Variants in FBN2 observed in about 807,000 individuals in gnomAD.
FBN2 encodes fibrillin 2, also known as fibrillin-2.
FBN2 carries 105 observed loss-of-function variants against 355.6 expected under a neutral mutation model. The ratio of observed to expected loss-of-function variants is 0.30; its 90% CI spans 0.25 to 0.35. The LOEUF (loss-of-function observed/expected upper bound fraction) is 0.35. Among genes scored for constraint, FBN2 ranks in the 10% least tolerant of loss-of-function variants. FBN2 has a pLI of 1.00. For synonymous variants in FBN2, 1,350 were observed against 1,301.2 expected, an observed-to-expected ratio of 1.04 and a Z score of -0.81; for missense variants, 3,280 against 3,758.7, an observed-to-expected ratio of 0.87 and a Z score of 3.33.
intron 17 of FBN2, among the ~76,000 whole-genome samples, chr5:128,365,620 T>C (rs1751745862): frequency 6.6e-6 from 1 of 151,366 alleles, no homozygotes; most frequent in South Asian, 2.1e-4. Flanking sequence ...ACTAAAGCTT[T>C]CTCAAACACA....
At chr5:128,263,396 C>T in intron 63 of FBN2, 29 bp downstream of exon 63, 1 of 1,533,316 alleles carries the variant, frequency 6.5e-7, no homozygotes. Context: ...ATGTATTCCT[C>T]TATGTGCTGA....
At position 128,259,724 on chromosome 5, in the gene FBN2, C is replaced by T. The variant is rs868262960; in HGVS notation, c.8470G>A (p.Ala2824Thr). The change falls in exon 65 of 65, where the codon GCC (alanine) becomes ACC (threonine). Residue 2824 changes from alanine to threonine, a missense_variant. Transcript: ENST00000262464. ...SKEHILELRP[A>T]IQPLNNHIRY... ...ATGTGGTTGTTGAGGGGCTGGATGG[C>T]GGGCCTTAGTTCCAGGATGTGCTCC... 3.1e-6 allele frequency: 5 copies of T among 1,613,624 alleles called. No individual in the cohort carries two copies. Among genetic ancestry groups the T allele is most frequent in the Non-Finnish European group, 2.5e-6 (3 of 1,179,872 alleles).
At chr5:128,338,179 A>G in intron 26 of FBN2, 57 bp from the exon 27 acceptor site, 2 of 1,543,312 alleles carry the variant, frequency 1.3e-6, no homozygotes, top group Non-Finnish European at 1.8e-6. Context: ...ATATTCACAC[A>G]TACAGCGTGG....
chr5:128,355,283 G>A (rs546034952), intron 20 of FBN2, among the ~76,000 whole-genome samples: 235 of 152,202 alleles, frequency 1.5e-3, no homozygotes, highest in African/African-American at 5.5e-3. Context: ...GCAGACCCAA[G>A]CCAAAGATGA....
chr5:128,349,393 C>A lies in FBN2; in HGVS notation c.2943G>T (p.Glu981Asp), dbSNP rs142249689. The A allele has an allele frequency of 1.7e-5, 27 of 1,613,980 alleles. No individual in the cohort carries two copies. The highest frequency in any genetic ancestry group is 2.1e-5 in the Non-Finnish European group (25 of 1,180,028). Residue 981 changes from glutamate (E) to aspartate (D), a missense_variant, in exon 23 of 65, where the codon GAG becomes GAT. Glu to Asp is a conservative substitution (Grantham distance 45). Transcript: ENST00000262464. Reference protein sequence around the residue: ...CVNSKGSFHCECPEGLTLDGT... With the variant: ...CVNSKGSFHCDCPEGLTLDGT... ...CATCCAACGTAAGGCCTTCAGGGCACTCGCAATGAAAAGATCCCTTACTGT... is the reference window on the plus strand; with the variant it reads ...CATCCAACGTAAGGCCTTCAGGGCAATCGCAATGAAAAGATCCCTTACTGT...
intron 5 of FBN2, among the ~76,000 whole-genome samples, chr5:128,491,088 T>C (rs1294948312): frequency 1.3e-5 from 2 of 152,140 alleles, no homozygotes; most frequent in Non-Finnish European, 2.9e-5. Context: ...TAATATGATG[T>C]GAACAGAGAA....
intron 7 of FBN2, among the ~76,000 whole-genome samples, chr5:128,432,664 C>T (rs56228613): frequency 0.12 from 18,659 of 151,948 alleles, 1,452 homozygotes; most frequent in African/African-American, 0.22. Flanking sequence ...GGCTCGATGA[C>T]TTTAGGTGGT....
At chr5:128,451,278 G>A (rs908719162) in intron 6 of FBN2, among the ~76,000 whole-genome samples, 4 of 152,086 alleles carry the variant, frequency 2.6e-5, no homozygotes, top group African/African-American at 9.7e-5. Flanking sequence ...AGATTTCAGT[G>A]TCTTATTAAA....
intron 7 of FBN2, among the ~76,000 whole-genome samples, chr5:128,417,805 G>GTT (rs1753242615): frequency 6.6e-6 from 1 of 152,094 alleles, no homozygotes; most frequent in African/African-American, 2.4e-5. Flanking sequence ...TTGGCCTGTA[G>GTT]TTCTTTTTTG....
intron 23 of FBN2, among the ~76,000 whole-genome samples, chr5:128,348,570 C>A (rs1209741964): frequency 6.6e-6 from 1 of 152,010 alleles, no homozygotes; most frequent in Non-Finnish European, 1.5e-5. Flanking sequence ...AAGGTGATTG[C>A]ATACACCACC....
intron 50 of FBN2, 55 bp downstream of exon 50, chr5:128,290,677 C>A: frequency 6.4e-7 from 1 of 1,566,240 alleles, no homozygotes; most frequent in Non-Finnish European, 8.8e-7. Context: ...CCCACTCTGG[C>A]AAACATTCAA....
chr5:128,521,545 G>A (rs182849305), intron 4 of FBN2, among the ~76,000 whole-genome samples: 1 of 152,094 alleles, frequency 6.6e-6, no homozygotes, highest in Admixed American at 6.6e-5. Flanking sequence ...TTTTAAAAAA[G>A]AAAGATTTAA....
intron 7 of FBN2, among the ~76,000 whole-genome samples, chr5:128,444,887 T>C (rs973162788): frequency 6.6e-6 from 1 of 152,224 alleles, no homozygotes; most frequent in Non-Finnish European, 1.5e-5. Context: ...TCAAACTTTG[T>C]TCCCAAGTAC....
chr5:128,341,239 A>C (rs1051447578), intron 25 of FBN2, among the ~76,000 whole-genome samples: 2 of 152,210 alleles, frequency 1.3e-5, no homozygotes, highest in African/African-American at 4.8e-5. Flanking sequence ...GTGGGGTCAG[A>C]ACTGGAAGAA....
chr5:128,265,506 A>T (rs1765093456), intron 62 of FBN2, among the ~76,000 whole-genome samples: 2 of 152,310 alleles, frequency 1.3e-5, no homozygotes, highest in Non-Finnish European at 1.5e-5. Flanking sequence ...CTTTGAACTG[A>T]TTCAAGCCTC....
Position 128,309,198 on chromosome 5 carries a change from C to T in FBN2, c.5353+49G>A, listed in dbSNP as rs760849570. ...CTTTGACTATACTGTTAGATATATG[C>T]GTGTATCACTGATGTGGCAGTCAGC... On this transcript the variant is annotated intron_variant, in intron 41 of 64. Transcript: ENST00000262464. The T allele has an allele frequency of 4.1e-5, 65 of 1,591,510 alleles. 1 individual carries two copies. The highest frequency in any genetic ancestry group is 3.8e-4 in the Admixed American group (23 of 59,858).
At chr5:128,519,801 G>T (rs916985436) in intron 4 of FBN2, among the ~76,000 whole-genome samples, 2 of 151,484 alleles carry the variant, frequency 1.3e-5, no homozygotes, top group African/African-American at 4.8e-5. Context: ...CAGGGAAGGA[G>T]TAGGAGGAGA....
intron 4 of FBN2, among the ~76,000 whole-genome samples, chr5:128,522,186 CT>C (rs1346031149): frequency 1.3e-5 from 2 of 152,172 alleles, no homozygotes; most frequent in Non-Finnish European, 2.9e-5. Context: ...GCTTGTATTT[CT>C]GTCTCTCATG....
chr5:128,531,144 TTA>T (rs200435959), intron 2 of FBN2, among the ~76,000 whole-genome samples: 1 of 151,928 alleles, frequency 6.6e-6, no homozygotes, highest in Non-Finnish European at 1.5e-5. Flanking sequence ...AAAGAAACTG[TTA>T]TATATATATG....
Sources: gnomAD v4.1 joint callset for allele counts (sites outside exome capture counted in the v4.1 genomes callset) on GRCh38, gnomAD v4.1.1 for gene constraint, MANE v1.5 for transcripts, NCBI Gene and HGNC (gene_info 2026-07-23, HGNC 2026-07-21) for gene names.